The following ITIH5 variants were observed in gnomAD, a reference collection of about 807,000 sequenced individuals.
ITIH5 encodes inter-alpha-trypsin inhibitor heavy chain H5.
In ITIH5, 65 loss-of-function variants were observed where a neutral mutation model predicts 77.5. The observed-to-expected ratio is 0.84, with a 90% CI of 0.69 to 1.03. The LOEUF is 1.03. Among genes scored for constraint, ITIH5 ranks in the 50% least tolerant of loss-of-function variants. The probability of loss-of-function intolerance (pLI) is 0.00; values close to 1 mark genes in which losing one functional copy is unlikely to be tolerated. For missense variants in ITIH5, 1,208 were observed against 1,213.1 expected, an observed-to-expected ratio of 1.00 and a Z score of 0.06; for synonymous variants, 525 against 494.3, an observed-to-expected ratio of 1.06 and a Z score of -0.82.
intron 9 of ITIH5, among the ~76,000 whole-genome samples, chr10:7,577,411 C>T (rs1423187277): frequency 1.3e-5 from 2 of 152,210 alleles, no homozygotes; most frequent in Non-Finnish European, 2.9e-5. Flanking sequence ...TTCCTTTAAG[C>T]CCAGTCAATC....
At chr10:7,659,242 C>T (rs1391484152) in intron 1 of ITIH5, among the ~76,000 whole-genome samples, 4 of 151,830 alleles carry the variant, frequency 2.6e-5, no homozygotes, top group Non-Finnish European at 2.9e-5. Flanking sequence ...AGCTGGGCGT[C>T]GTGGCACACA....
rs1564231834 is a variant in ITIH5 at position 7,566,307 on chromosome 10, CTTG to C, written c.2247_2249del (p.Asn749del). On this transcript the variant is annotated inframe_deletion, in exon 13 of 14. Coordinates refer to ENST00000397146, the MANE Select transcript of ITIH5 (RefSeq NM_030569.7). ...TGATCTCGAGATAAGATCTCTCTGG[CTTG>C]TTGATGAGGATGGTGATAGTGCGCA... 1 of 1,613,810 alleles carries C rather than the reference CTTG, an allele frequency of 6.2e-7. No individual in the cohort carries two copies. The highest frequency in any genetic ancestry group is 8.5e-7 in the Non-Finnish European group (1 of 1,179,920).
In ITIH5 at chr10:7,637,387, T is replaced by C; in HGVS notation, c.493A>G (p.Arg165Gly). Residue 165 changes from arginine (R) to glycine (G), a missense_variant, in exon 5 of 14, where the codon AGG (arginine) becomes GGG (glycine). Physicochemically the swap from Arg to Gly is moderately radical, Grantham distance 125. Coordinates refer to ENST00000397146, the MANE Select transcript of ITIH5 (RefSeq NM_030569.7). ...CTGTGCTCGTACTTGCCCAGGCGCC[T>C]CTGCAGAAGCTCCTCATAACTCAGG... ...FFLSYEELLQRRLGKYEHSIS... is the reference protein window; with the variant it reads ...FFLSYEELLQGRLGKYEHSIS... 1 of 1,614,238 alleles carries C rather than the reference T, an allele frequency of 6.2e-7. No homozygotes were observed. Among genetic ancestry groups the C allele is most frequent in the Non-Finnish European group, 8.5e-7 (1 of 1,180,038 alleles).
At position 7,563,087 on chromosome 10, in the gene ITIH5, A is replaced by C. The variant is rs140047376; in HGVS notation, c.2825T>G (p.Leu942Arg). ...GCATCTTTAAGGCTGCCAGCTTCAG[A>C]GCTCCCTGGACATTCCCCGGCCAAG... is the stretch of plus-strand genomic sequence containing the variant. The part of the protein sequence containing the change: ...MTLGRGMSRE[L>R] The change falls in exon 14 of 14, where the codon CTC becomes CGC. Residue 942 changes from leucine (L) to arginine (R), a missense_variant. Transcript: ENST00000397146. 20 of 1,612,734 alleles carry C rather than the reference A, an allele frequency of 1.2e-5. No homozygotes were observed. The African/African-American group carries it at 2.6e-4, about 21-fold the overall frequency.
chr10:7,656,410 T>C lies in ITIH5; in HGVS notation c.91-735A>G, dbSNP rs1000746067. On this transcript the variant is annotated intron_variant, in intron 1 of 13. Transcript: ENST00000397146. ...TTGTATTTTTTGTAGAGACAGGGTCTCGCTATGTTGTCCAGGTTGATCTCA... is the reference window on the plus strand; with the variant it reads ...TTGTATTTTTTGTAGAGACAGGGTCCCGCTATGTTGTCCAGGTTGATCTCA... Among the ~76,000 whole-genome samples the C allele has an allele frequency of 3.1e-4, 47 of 152,284 alleles. No individual in the cohort carries two copies. The East Asian group carries it at 3.5e-3, about 11-fold the overall frequency.
At chr10:7,569,829 T>G in intron 11 of ITIH5, 45 bp from the exon 12 acceptor site, 5 of 1,163,666 alleles carry the variant, frequency 4.3e-6, no homozygotes, top group Non-Finnish European at 6.2e-6. Flanking sequence ...AGACACTTAT[T>G]CAGTACCTTC....
chr10:7,624,816 C>CATAT lies in ITIH5; in HGVS notation c.653-7538_653-7535dup, dbSNP rs375732694. Among the ~76,000 whole-genome samples, 343 of 36,572 alleles carry CATAT rather than the reference C, an allele frequency of 9.4e-3. 2 individuals carry two copies. Among genetic ancestry groups the CATAT allele is most frequent in the Middle Eastern group, 0.019 (1 of 54 alleles). The allele number at this position is 36,572 out of a possible 152,430, so 24.0% of individuals were successfully genotyped here. On this transcript the variant is annotated intron_variant, in intron 5 of 13. Transcript: ENST00000397146. Reference sequence around the variant, plus strand: ...AAAAAAAAATATATATATATATACACATATATATGTGTATATACATGTATA... The same window carrying CATAT: ...AAAAAAAAATATATATATATATACACATATATATATATGTGTATATACATGTATA...
intron 6 of ITIH5, 21 bp downstream of exon 6, chr10:7,617,092 T>C (rs1478108448): frequency 2.7e-6 from 4 of 1,481,468 alleles, no homozygotes; most frequent in Non-Finnish European, 3.6e-6. Context: ...CAACATGAAA[T>C]AGCAACGACG....
At chr10:7,644,221 G>A (rs1404220680) in intron 2 of ITIH5, among the ~76,000 whole-genome samples, 2 of 149,858 alleles carry the variant, frequency 1.3e-5, no homozygotes, top group Admixed American at 6.6e-5. Context: ...CTGGGTGACA[G>A]AGCAAGACCC....
chr10:7,640,928 T>G, intron 3 of ITIH5, 73 bp from the exon 4 acceptor site: 1 of 958,362 alleles, frequency 1.0e-6, no homozygotes, highest in Non-Finnish European at 1.7e-6. Context: ...CTTATAACCA[T>G]GACAACCCCA....
In ITIH5 at chr10:7,580,039, C is replaced by T. The variant is rs909438603; in HGVS notation, c.1134G>A (p.Gln378=). The change falls in exon 9 of 14, where the codon CAG becomes CAA. Residue 378 remains glutamine, a synonymous_variant. Transcript: ENST00000397146. The part of the protein sequence containing the change: ...TGGTDINGAL[Q]RAIRLLNKYV... Reference sequence around the variant, plus strand: ...ACTTGTTGAGGAGCCTGATGGCCCTCTGCAGGGCCCCGTTGATGTCTGTGC... The same window carrying T: ...ACTTGTTGAGGAGCCTGATGGCCCTTTGCAGGGCCCCGTTGATGTCTGTGC... 8.1e-6 allele frequency: 13 copies of T among 1,608,888 alleles called. No homozygotes were observed. The highest frequency in any genetic ancestry group is 1.0e-5 in the Non-Finnish European group (12 of 1,178,514).
At chr10:7,566,649 G>A (rs1832166378) in intron 12 of ITIH5, among the ~76,000 whole-genome samples, 1 of 147,166 alleles carries the variant, frequency 6.8e-6, no homozygotes, top group Admixed American at 6.9e-5. Flanking sequence ...TTGAGGCCAG[G>A]AGTTCAAGGC....
intron 5 of ITIH5, among the ~76,000 whole-genome samples, chr10:7,628,569 TG>T (rs1393434674): frequency 2.4e-4 from 36 of 152,250 alleles, no homozygotes; most frequent in South Asian, 1.0e-3. Flanking sequence ...TGTTGTGACA[TG>T]TGTCCATGCT....
chr10:7,608,188 C>G (rs1024960244), intron 7 of ITIH5, among the ~76,000 whole-genome samples: 4 of 152,212 alleles, frequency 2.6e-5, no homozygotes, highest in African/African-American at 9.6e-5. Flanking sequence ...GATGGCAAGC[C>G]CTCAGAGGCC....
chr10:7,588,258 C>T (rs1832722444), intron 7 of ITIH5, among the ~76,000 whole-genome samples: 4 of 152,176 alleles, frequency 2.6e-5, no homozygotes, highest in South Asian at 2.1e-4. Flanking sequence ...GTGGTGCACA[C>T]GTGTAATCTC....
At chr10:7,655,144 G>T (rs1834159769) in intron 2 of ITIH5, among the ~76,000 whole-genome samples, 2 of 152,124 alleles carry the variant, frequency 1.3e-5, no homozygotes, top group South Asian at 4.1e-4. Flanking sequence ...ATGCACAGTG[G>T]TAAGGAAGAA....
chr10:7,664,114 G>T (rs1203463521), intron 1 of ITIH5, among the ~76,000 whole-genome samples: 1 of 152,180 alleles, frequency 6.6e-6, no homozygotes, highest in Non-Finnish European at 1.5e-5. Flanking sequence ...TATTCAAAGT[G>T]TGCGGCTAGG....
chr10:7,628,168 C>G (rs1055135284), intron 5 of ITIH5, among the ~76,000 whole-genome samples: 12 of 152,110 alleles, frequency 7.9e-5, no homozygotes, highest in African/African-American at 2.7e-4. Flanking sequence ...GGTATACAAA[C>G]AAATAGCATT....
chr10:7,584,299 CT>C (rs59425820), intron 8 of ITIH5, among the ~76,000 whole-genome samples: 12,776 of 141,188 alleles, frequency 0.09, 608 homozygotes, highest in South Asian at 0.13. Context: ...TTCTTTCTTT[CT>C]TTTTTTTTTC....
Sources: gnomAD v4.1 joint callset for allele counts (sites outside exome capture counted in the v4.1 genomes callset) on GRCh38, gnomAD v4.1.1 for gene constraint, MANE v1.5 for transcripts, NCBI Gene and HGNC (gene_info 2026-07-23, HGNC 2026-07-21) for gene names.